The following LRPPRC variants were observed in gnomAD, a reference collection of about 807,000 sequenced individuals.
The protein encoded by LRPPRC is leucine-rich PPR motif-containing protein, mitochondrial.
A neutral mutation model predicts 180.3 loss-of-function variants in LRPPRC; 120 were observed. The observed-to-expected ratio is 0.67, with a 90% confidence interval of 0.57 to 0.77. The LOEUF is 0.77. LRPPRC is among the 30% of genes least tolerant of loss of function. The pLI is 0.00. For missense variants in LRPPRC, 2,012 were observed against 1,657.2 expected, an observed-to-expected ratio of 1.21 and a Z score of -3.72; for synonymous variants, 723 against 600.0, an observed-to-expected ratio of 1.21 and a Z score of -3.00.
chr2:43,953,938 G>A (rs530658665), intron 14 of LRPPRC, among the ~76,000 whole-genome samples: 4 of 152,208 alleles, frequency 2.6e-5, no homozygotes, highest in Non-Finnish European at 4.4e-5. Flanking sequence ...GGGAGGCCAA[G>A]GCTGGGGGTT....
At chr2:43,994,848 T>C (rs982823684) in intron 1 of LRPPRC, among the ~76,000 whole-genome samples, 4 of 152,172 alleles carry the variant, frequency 2.6e-5, no homozygotes, top group African/African-American at 7.2e-5. Flanking sequence ...CCTCAAACCA[T>C]GAGAGCATTT....
At chr2:43,965,146 C>T (rs931857317) in intron 11 of LRPPRC, among the ~76,000 whole-genome samples, 6 of 152,164 alleles carry the variant, frequency 3.9e-5, no homozygotes, top group East Asian at 1.9e-4. Context: ...GGATTAAAGG[C>T]GCACGTCACC....
At chr2:43,948,315 G>C in intron 17 of LRPPRC, 97 bp downstream of exon 17, 1 of 918,068 alleles carries the variant, frequency 1.1e-6, no homozygotes, top group Middle Eastern at 2.1e-4. Flanking sequence ...GCATGTCATT[G>C]AGAAGTGGTC....
rs1558990076 is a variant in LRPPRC at position 43,947,477 on chromosome 2, T to G, written c.1966-107A>C. 3 of 693,390 alleles carry G rather than the reference T, an allele frequency of 4.3e-6. No homozygotes were observed. The East Asian group carries it at 8.1e-5, about 19-fold the overall frequency. 43.0% of individuals were successfully genotyped at this position (693,390 alleles called of 1,614,324 possible). A position where few individuals can be genotyped will look rare whatever the true frequency, so the allele number is the denominator to read the frequency against. ...ACTTTCCTTTCTACCTTCCTAAATG[T>G]CATAAATGCTATCAGGGATATTAAT... On this transcript the variant is annotated intron_variant, in intron 19 of 37. Transcript: ENST00000260665.
intron 23 of LRPPRC, among the ~76,000 whole-genome samples, chr2:43,935,787 A>G (rs1266726265): frequency 6.6e-6 from 1 of 152,230 alleles, no homozygotes; most frequent in East Asian, 1.9e-4. Flanking sequence ...AAAAAATAAA[A>G]TAAAAGGACA....
In LRPPRC at chr2:43,946,262, G is replaced by A. The variant is rs751548734; in HGVS notation, c.2080-19C>T. On this transcript the variant is annotated intron_variant, in intron 20 of 37. Coordinates refer to ENST00000260665, the MANE Select transcript of LRPPRC (RefSeq NM_133259.4). ...GCATATTCTAAAATACAGCATAGAT[G>A]TGAAAAAGAAGAAATCAGTGTGAAG... The A allele has an allele frequency of 3.2e-5, 51 of 1,601,796 alleles. No individual in the cohort carries two copies. Among genetic ancestry groups the A allele is most frequent in the Non-Finnish European group, 3.9e-5 (46 of 1,169,640 alleles).
chr2:43,941,660 T>C (rs1672484861), intron 23 of LRPPRC, among the ~76,000 whole-genome samples: 1 of 152,074 alleles, frequency 6.6e-6, no homozygotes, highest in Non-Finnish European at 1.5e-5. Flanking sequence ...GTCAGGGTTT[T>C]ACTCCAGGCA....
At position 43,960,615 on chromosome 2, in the gene LRPPRC, T is replaced by C. The variant is rs1673308964; in HGVS notation, c.1508A>G (p.Asp503Gly). The change falls in exon 13 of 38, where the codon GAT becomes GGT. Residue 503 changes from aspartate (D) to glycine (G), a missense_variant. Physicochemically the swap from Asp to Gly is moderately conservative, Grantham distance 94. Transcript: ENST00000260665. The part of the protein sequence containing the change: ...AILQENGCLS[D>G]SDMFSQAGLR... ...TCCAGCTTGAGAAAACATATCACTATCAGACAGACATCCATTTTCCTGGAG... is the reference window on the plus strand; with the variant it reads ...TCCAGCTTGAGAAAACATATCACTACCAGACAGACATCCATTTTCCTGGAG... The C allele has an allele frequency of 6.3e-7, 1 of 1,592,532 alleles. No homozygotes were observed. Among genetic ancestry groups the C allele is most frequent in the Admixed American group, 1.7e-5 (1 of 59,970 alleles).
intron 24 of LRPPRC, 83 bp from the exon 25 acceptor site, chr2:43,934,379 C>G: frequency 1.5e-6 from 1 of 683,988 alleles, no homozygotes; most frequent in Non-Finnish European, 2.6e-6. Context: ...CAGACAAATA[C>G]AAGAAAAATT....
At chr2:43,893,240 A>G (rs147338896) in intron 36 of LRPPRC, among the ~76,000 whole-genome samples, 3 of 152,362 alleles carry the variant, frequency 2.0e-5, no homozygotes, top group Admixed American at 2.0e-4. Flanking sequence ...ATGACAACAA[A>G]GGATTCAGAA....
Position 43,918,098 on chromosome 2 carries a change from A to T in LRPPRC, c.3075T>A (p.Ser1025=). Reference sequence around the variant, plus strand: ...CAGGTTCTGTGGTTGAGGCTGACGAAGAATTCAGGGAATGTTTTTCATCTT... The same window carrying T: ...CAGGTTCTGTGGTTGAGGCTGACGATGAATTCAGGGAATGTTTTTCATCTT... ...WYEDEKHSLN[S]SSASTTEPDF... is the part of the protein sequence containing the mutation. Residue 1025 remains serine (S), a synonymous_variant, in exon 29 of 38, where the codon TCT becomes TCA. Transcript: ENST00000260665. 6.2e-7 allele frequency: 1 copy of T among 1,613,952 alleles called. No homozygotes were observed. The highest frequency in any genetic ancestry group is 8.5e-7 in the Non-Finnish European group (1 of 1,179,970).
intron 23 of LRPPRC, among the ~76,000 whole-genome samples, chr2:43,942,027 T>A (rs1036226964): frequency 2.6e-5 from 4 of 152,058 alleles, no homozygotes; most frequent in South Asian, 2.1e-4. Flanking sequence ...CAGGATATAA[T>A]CAGAAGCACA....
At chr2:43,945,955 T>C (rs1672665536) in intron 21 of LRPPRC, among the ~76,000 whole-genome samples, 158 bp downstream of exon 21, 2 of 143,862 alleles carry the variant, frequency 1.4e-5, no homozygotes, top group South Asian at 4.7e-4. Flanking sequence ...CCACAATTAA[T>C]TAAAGAGCCG....
intron 29 of LRPPRC, among the ~76,000 whole-genome samples, chr2:43,915,279 A>G (rs886548432): frequency 7.4e-6 from 1 of 135,272 alleles, no homozygotes; most frequent in Admixed American, 7.5e-5. Context: ...CACACACACA[A>G]GTTCATCAGA....
rs774606107 is a variant in LRPPRC at position 43,889,729 on chromosome 2, C to T, written c.4128+5G>A. On this transcript the variant is annotated splice_donor_5th_base_variant and intron_variant, in intron 37 of 37. Transcript: ENST00000260665. ...ATTTTTTCCCCTTAATTAAGAAATACTCACAGGGGGTTCAATGAAAGGGAC... is the reference window on the plus strand; with the variant it reads ...ATTTTTTCCCCTTAATTAAGAAATATTCACAGGGGGTTCAATGAAAGGGAC... The T allele has an allele frequency of 1.2e-6, 2 of 1,609,398 alleles. No individual in the cohort carries two copies. The highest frequency in any genetic ancestry group is 8.5e-7 in the Non-Finnish European group (1 of 1,175,708).
chr2:43,894,983 G>A (rs1050063011), intron 35 of LRPPRC, among the ~76,000 whole-genome samples: 1 of 152,180 alleles, frequency 6.6e-6, no homozygotes, highest in Non-Finnish European at 1.5e-5. Context: ...GCCACAACTG[G>A]TTGATGAAAT....
At chr2:43,917,975 A>T in intron 29 of LRPPRC, 50 bp downstream of exon 29, 1 of 1,337,634 alleles carries the variant, frequency 7.5e-7, no homozygotes, top group Non-Finnish European at 1.1e-6. Flanking sequence ...CACTGCTATT[A>T]GAAAGAAGAC....
intron 25 of LRPPRC, among the ~76,000 whole-genome samples, chr2:43,932,122 TCAAAAAA>T (rs1672111561): frequency 1.1e-4 from 1 of 9,476 alleles, no homozygotes; most frequent in East Asian, 0.17. Flanking sequence ...AGACCCTGTC[TCAAAAAA>T]AAAAAAAAAA....
chr2:43,937,330 T>A (rs1265320838), intron 23 of LRPPRC, among the ~76,000 whole-genome samples: 1 of 152,128 alleles, frequency 6.6e-6, no homozygotes, highest in Non-Finnish European at 1.5e-5. Context: ...AAATACCTCA[T>A]ACAAAGTGTA....
Sources: gnomAD v4.1 joint callset for allele counts (sites outside exome capture counted in the v4.1 genomes callset) on GRCh38, gnomAD v4.1.1 for gene constraint, MANE v1.5 for transcripts, NCBI Gene and HGNC (gene_info 2026-07-23, HGNC 2026-07-21) for gene names.